IMPA1: variants seen among roughly 807,000 people sequenced by gnomAD.
IMPA1 encodes D-galactose 1-phosphate phosphatase.
A neutral mutation model predicts 34.9 loss-of-function variants in IMPA1; 21 were observed. The observed-to-expected ratio is 0.60, with a 90% confidence interval of 0.43 to 0.87. The LOEUF (loss-of-function observed/expected upper bound fraction) is 0.87. Among genes scored for constraint, IMPA1 ranks in the 40% least tolerant of loss-of-function variants. IMPA1 has a pLI of 0.00. For missense variants in IMPA1, 299 were observed against 336.4 expected (o/e 0.89, Z 0.87); for synonymous variants, 95 against 104.4 (o/e 0.91, Z 0.55).
Position 81,659,147 on chromosome 8 carries a change from A to G in IMPA1, c.*204T>C. 1 of 569,768 alleles carries G rather than the reference A, an allele frequency of 1.8e-6. No individual in the cohort carries two copies. The highest frequency in any genetic ancestry group is 4.8e-4 in the Middle Eastern group (1 of 2,100). The allele number at this position is 569,768 out of a possible 1,614,324, so 35.3% of individuals were successfully genotyped here. On this transcript the variant is annotated 3_prime_UTR_variant, in exon 9 of 9. Transcript: ENST00000256108. ...TATGTTTCCTAAAGTACATTCTTAC[A>G]TGCAAAATTTTTTAAATCAGTGAAA...
Position 81,657,588 on chromosome 8 carries a change from CA to C in IMPA1, c.*1762del, listed in dbSNP as rs1244615188. Among the ~76,000 whole-genome samples the C allele has an allele frequency of 1.3e-5, 2 of 151,820 alleles. No homozygotes were observed. The highest frequency in any genetic ancestry group is 6.6e-5 in the Admixed American group (1 of 15,226). ...AGAGCAAGACACTGTCTTCAAAAAA[CA>C]AAAACAAAACAAAGCCTCTAAAAGT... On this transcript the variant is annotated 3_prime_UTR_variant, in exon 9 of 9. Coordinates refer to ENST00000256108, the MANE Select transcript of IMPA1 (RefSeq NM_005536.4).
At chr8:81,677,103 T>A (rs1439862112) in intron 4 of IMPA1, among the ~76,000 whole-genome samples, 1 of 152,146 alleles carries the variant, frequency 6.6e-6, no homozygotes, top group Non-Finnish European at 1.5e-5. Flanking sequence ...AGTGATTTTT[T>A]TTTTTTTTGG....
rs760318739 is a variant in IMPA1, at chr8:81,673,491, G to A, written c.457+350C>T. ...ACCCCAACCACCTCGGGCACATGTC[G>A]TCAGGACCTCCTGAGGCTGTGTCAC... On this transcript the variant is annotated intron_variant, in intron 6 of 8. Coordinates refer to ENST00000256108, the MANE Select transcript of IMPA1 (RefSeq NM_005536.4). 5.3e-5 allele frequency among the ~76,000 whole-genome samples: 8 copies of A among 152,220 alleles called. No homozygotes were observed. In the East Asian group the frequency reaches 5.8e-4, roughly 11 times the overall value.
At chr8:81,664,897 GA>G (rs376800580) in intron 7 of IMPA1, among the ~76,000 whole-genome samples, 19,299 of 137,816 alleles carry the variant, frequency 0.14, 1,559 homozygotes, top group Middle Eastern at 0.28. Context: ...AGGAAAAAAA[GA>G]AAAAAAAAAA....
intron 1 of IMPA1, among the ~76,000 whole-genome samples, chr8:81,684,526 GTATA>G (rs1312951135): frequency 8.3e-6 from 1 of 121,024 alleles, no homozygotes; most frequent in Non-Finnish European, 1.7e-5. Context: ...ACTATGTGTA[GTATA>G]TATACTACAC....
chr8:81,679,380 A>AGGGAGGGCGGATCACCTGAGTC, intron 3 of IMPA1, 150 bp from the exon 4 acceptor site: 1 of 599,708 alleles, frequency 1.7e-6, no homozygotes, highest in South Asian at 1.9e-5. Context: ...TTGGGAGGCC[A>AGGGAGGGCGGATCACCTGAGTC]GGGAGGGCGG....
At position 81,681,565 on chromosome 8, in the gene IMPA1, T is replaced by C. The variant is rs762930688; in HGVS notation, c.-5A>G. The stretch of plus-strand genomic sequence containing the variant: ...TTCCTGCCAAGGATCAGCCATCTTC[T>C]GAAAATATTTGACAAATATCTGTAC... On this transcript the variant is annotated 5_prime_UTR_variant, in exon 2 of 9. Transcript: ENST00000256108. 2.5e-6 allele frequency: 4 copies of C among 1,597,042 alleles called. No individual in the cohort carries two copies. The South Asian group carries it at 4.4e-5, about 18-fold the overall frequency.
chr8:81,683,365 G>A (rs1464042607), intron 1 of IMPA1, among the ~76,000 whole-genome samples: 1 of 152,150 alleles, frequency 6.6e-6, no homozygotes, highest in East Asian at 1.9e-4. Context: ...ATGCAGTAGT[G>A]GGAGGATACC....
intron 1 of IMPA1, chr8:81,685,896 G>A: frequency 6.5e-7 from 1 of 1,546,278 alleles, no homozygotes; most frequent in Non-Finnish European, 8.7e-7. Context: ...GGGCAGCACA[G>A]GACCTGGGCG....
rs1428611226 is a variant in IMPA1 at position 81,659,284 on chromosome 8, A to C, written c.*67T>G. The C allele has an allele frequency of 2.3e-6, 2 of 862,654 alleles. No homozygotes were observed. The highest frequency in any genetic ancestry group is 4.0e-6 in the Non-Finnish European group (2 of 497,922). The allele number at this position is 862,654 out of a possible 1,614,324, so 53.4% of individuals were successfully genotyped here. ...ACCAAGCATATCATACATCCAAAAC[A>C]CATATCCATTGATGAGTCACCAAAT... is the stretch of plus-strand genomic sequence containing the variant. On this transcript the variant is annotated 3_prime_UTR_variant, in exon 9 of 9. Coordinates refer to ENST00000256108, the MANE Select transcript of IMPA1 (RefSeq NM_005536.4).
In IMPA1 at chr8:81,670,961, G is replaced by A; in HGVS notation, c.544C>T (p.Leu182Phe). ...TACCCATGAACAGGAATGCAAAAAA[G>A]CTTTTCCATATTAGAAAGAACCATT... ...VRMVLSNMEKLFCIPVHGIRS... is the reference protein window; with the variant it reads ...VRMVLSNMEKFFCIPVHGIRS... Residue 182 changes from leucine (L) to phenylalanine (F), a missense_variant, in exon 7 of 9, where the codon CTT (leucine) becomes TTT (phenylalanine). Leu to Phe is a conservative substitution (Grantham distance 22). Coordinates refer to ENST00000256108, the MANE Select transcript of IMPA1 (RefSeq NM_005536.4). 6.5e-7 allele frequency: 1 copy of A among 1,530,380 alleles called. No homozygotes were observed. The highest frequency in any genetic ancestry group is 8.7e-7 in the Non-Finnish European group (1 of 1,144,874). The allele number at this position is 1,530,380 out of a possible 1,614,324, so 94.8% of individuals were successfully genotyped here.
chr8:81,676,255 A>G lies in IMPA1; in HGVS notation c.327T>C (p.Ile109=). The change falls in exon 5 of 9, where the codon ATT becomes ATC. Residue 109 remains isoleucine (I), a synonymous_variant. Transcript: ENST00000256108. ...ATACCTTTTTATTTACAGCAAAGCCAATTGAAACAGCTACAAAAGGAAATC... is the reference window on the plus strand; with the variant it reads ...ATACCTTTTTATTTACAGCAAAGCCGATTGAAACAGCTACAAAAGGAAATC... ...VHRFPFVAVS[I]GFAVNKKIEF... The G allele has an allele frequency of 1.5e-6, 2 of 1,356,496 alleles. No individual in the cohort carries two copies. The highest frequency in any genetic ancestry group is 2.0e-6 in the Non-Finnish European group (2 of 992,054). 84.0% of individuals were successfully genotyped at this position (1,356,496 alleles called of 1,614,324 possible). A position where few individuals can be genotyped will look rare whatever the true frequency, so the allele number is the denominator to read the frequency against.
intron 7 of IMPA1, among the ~76,000 whole-genome samples, chr8:81,669,539 T>C (rs1420789515): frequency 6.6e-6 from 1 of 152,242 alleles, no homozygotes; most frequent in African/African-American, 2.4e-5. Context: ...TTCTTTCTTT[T>C]TGCCTAATTT....
intron 7 of IMPA1, among the ~76,000 whole-genome samples, chr8:81,668,672 G>A (rs1487259305): frequency 6.6e-6 from 1 of 152,184 alleles, no homozygotes; most frequent in Non-Finnish European, 1.5e-5. Context: ...GCCTGGCCAA[G>A]AGTGAAAAGG....
At position 81,658,582 on chromosome 8, in the gene IMPA1, A is replaced by G. The variant is rs1401746994; in HGVS notation, c.*769T>C. On this transcript the variant is annotated 3_prime_UTR_variant, in exon 9 of 9. Transcript: ENST00000256108. Reference sequence around the variant, plus strand: ...TACACAAGACTTTAAAGCAAATCCAAACAGACAATTTAACTGTTTTGGAAA... The same window carrying G: ...TACACAAGACTTTAAAGCAAATCCAGACAGACAATTTAACTGTTTTGGAAA... 6.6e-6 allele frequency: 1 copy of G among 152,610 alleles called. No homozygotes were observed. The highest frequency in any genetic ancestry group is 1.5e-5 in the Non-Finnish European group (1 of 68,018). 9.5% of individuals were successfully genotyped at this position (152,610 alleles called of 1,614,324 possible).
At chr8:81,668,929 C>A (rs1171053619) in intron 7 of IMPA1, among the ~76,000 whole-genome samples, 1 of 152,184 alleles carries the variant, frequency 6.6e-6, no homozygotes, top group Non-Finnish European at 1.5e-5. Flanking sequence ...CTCCCTACAT[C>A]CCAGCCAAGG....
At chr8:81,683,716 A>G (rs1289277870) in intron 1 of IMPA1, among the ~76,000 whole-genome samples, 1 of 152,182 alleles carries the variant, frequency 6.6e-6, no homozygotes, top group Non-Finnish European at 1.5e-5. Context: ...AGCTCACAGG[A>G]GAGGTATGGC....
At chr8:81,673,566 G>A (rs1201649886) in intron 6 of IMPA1, among the ~76,000 whole-genome samples, 1 of 152,148 alleles carries the variant, frequency 6.6e-6, no homozygotes, top group Non-Finnish European at 1.5e-5. Context: ...ATTGAGACCT[G>A]TCTCAGATAT....
At chr8:81,663,982 T>C (rs1806747905) in intron 7 of IMPA1, among the ~76,000 whole-genome samples, 1 of 152,050 alleles carries the variant, frequency 6.6e-6, no homozygotes, top group Non-Finnish European at 1.5e-5. Context: ...GAGGTTGCAG[T>C]GAGCCAAGAT....
Sources: gnomAD v4.1 joint callset for allele counts (sites outside exome capture counted in the v4.1 genomes callset) on GRCh38, gnomAD v4.1.1 for gene constraint, MANE v1.5 for transcripts, NCBI Gene and HGNC (gene_info 2026-07-23, HGNC 2026-07-21) for gene names.